LIPA: variants seen among roughly 807,000 people sequenced by gnomAD.
The protein encoded by LIPA is lipase A, lysosomal acid type, also known as lysosomal acid lipase/cholesteryl ester hydrolase.
A neutral mutation model predicts 40.6 loss-of-function variants in LIPA; 26 were observed. The ratio of observed to expected loss-of-function variants is 0.64; its 90% confidence interval spans 0.47 to 0.89. The LOEUF (loss-of-function observed/expected upper bound fraction) is 0.89, where lower values mean the gene tolerates loss of function less well. LIPA is among the 40% of genes least tolerant of loss of function. LIPA has a pLI of 0.00. For synonymous variants in LIPA, 188 were observed against 168.4 expected (o/e 1.12, Z -0.90); for missense variants, 455 against 479.6 (o/e 0.95, Z 0.48).
rs956447208 is a variant in LIPA, at chr10:89,241,948, T to G, written c.229+3728A>C. The stretch of plus-strand genomic sequence containing the variant: ...CATGACCCTCTGCCCTGAGACAAAT[T>G]CATTTCCCTATTTGAACCTGGCTGT... On this transcript the variant is annotated intron_variant, in intron 3 of 9. Transcript: ENST00000336233. Among the ~76,000 whole-genome samples the G allele has an allele frequency of 5.8e-4, 88 of 152,130 alleles. 1 individual carries two copies. The highest frequency in any genetic ancestry group is 2.1e-3 in the African/African-American group (87 of 41,418).
At chr10:89,280,674 C>T (rs145298231) in intron 1 of LIPA, among the ~76,000 whole-genome samples, 422 of 152,278 alleles carry the variant, frequency 2.8e-3, no homozygotes, top group Non-Finnish European at 4.9e-3. Flanking sequence ...ATTTATGTGT[C>T]GGTTGGAAGT....
chr10:89,398,409 G>C (rs1310112540), intron 2 of LIPA, among the ~76,000 whole-genome samples: 1 of 152,158 alleles, frequency 6.6e-6, no homozygotes, highest in Non-Finnish European at 1.5e-5. Flanking sequence ...CTGAATAAAA[G>C]TAAGCAGCTC....
At chr10:89,234,823 G>A (rs777237662) in intron 3 of LIPA, among the ~76,000 whole-genome samples, 19 of 152,352 alleles carry the variant, frequency 1.2e-4, no homozygotes, top group South Asian at 4.1e-4. Context: ...GATAGCTAGC[G>A]CCGATTGCAC....
At chr10:89,393,077 T>C in intron 2 of LIPA, 1 of 1,190,856 alleles carries the variant, frequency 8.4e-7, no homozygotes, top group Non-Finnish European at 1.1e-6. Context: ...AATGGACAGC[T>C]TGTCTGAGTA....
chr10:89,314,969 C>G (rs1843534476), intron 1 of LIPA, among the ~76,000 whole-genome samples: 1 of 152,216 alleles, frequency 6.6e-6, no homozygotes, highest in Admixed American at 6.5e-5. Flanking sequence ...CTCTAAAAAT[C>G]AGCTCCCTCA....
chr10:89,410,240 G>A (rs952145964), intron 2 of LIPA, among the ~76,000 whole-genome samples: 5 of 152,216 alleles, frequency 3.3e-5, no homozygotes, highest in Admixed American at 3.3e-4. Context: ...TGGCATACTA[G>A]GTGCCAAAGG....
upstream of LIPA, among the ~76,000 whole-genome samples, chr10:89,255,599 T>C (rs1158496327): frequency 6.6e-6 from 1 of 152,052 alleles, no homozygotes; most frequent in African/African-American, 2.4e-5. Context: ...TGGAGAAAAA[T>C]AGGCAGCTCT....
intron 1 of LIPA, among the ~76,000 whole-genome samples, chr10:89,334,513 T>TTTTTTTA (rs1843702573): frequency 1.4e-5 from 1 of 72,468 alleles, no homozygotes; most frequent in Non-Finnish European, 2.4e-5. Flanking sequence ...TTTTTTTTTT[T>TTTTTTTA]GAGACGGAGT....
intron 1 of LIPA, among the ~76,000 whole-genome samples, chr10:89,250,103 C>CT (rs1564767193): frequency 3.2e-5 from 3 of 94,062 alleles, no homozygotes; most frequent in Non-Finnish European, 6.1e-5. Flanking sequence ...CTTTTCTTTT[C>CT]TTTCTTTTTT....
chr10:89,327,220 G>C (rs992487742), intron 1 of LIPA, among the ~76,000 whole-genome samples: 1 of 152,190 alleles, frequency 6.6e-6, no homozygotes, highest in African/African-American at 2.4e-5. Flanking sequence ...AGGCTTCAGA[G>C]AGAATAGGTT....
chr10:89,382,998 A>C (rs1410116701), intron 2 of LIPA, among the ~76,000 whole-genome samples: 1 of 152,244 alleles, frequency 6.6e-6, no homozygotes, highest in East Asian at 1.9e-4. Context: ...GTCAGGAGGA[A>C]GCAGAAAGAA....
At chr10:89,403,807 T>C (rs1844483784) in intron 2 of LIPA, 1 of 686,974 alleles carries the variant, frequency 1.5e-6, no homozygotes. Context: ...AACATTATAA[T>C]TCACTGTAAT....
intron 1 of LIPA, among the ~76,000 whole-genome samples, chr10:89,267,637 A>G (rs1843244446): frequency 6.8e-6 from 1 of 147,878 alleles, no homozygotes; most frequent in South Asian, 2.2e-4. Flanking sequence ...CTAGATGACG[A>G]GTTAGTGGGT....
chr10:89,241,671 G>A (rs1435526719), intron 3 of LIPA, among the ~76,000 whole-genome samples: 1 of 152,108 alleles, frequency 6.6e-6, no homozygotes, highest in Admixed American at 6.5e-5. Flanking sequence ...TCTTTGCTGA[G>A]GCCACAGTTG....
intron 2 of LIPA, among the ~76,000 whole-genome samples, chr10:89,376,343 A>G (rs1240124614): frequency 6.6e-6 from 1 of 152,146 alleles, no homozygotes; most frequent in African/African-American, 2.4e-5. Flanking sequence ...TCACATAGAG[A>G]GAGAGATTAT....
At chr10:89,248,043 T>C (rs1331934879) in intron 1 of LIPA, among the ~76,000 whole-genome samples, 2 of 151,922 alleles carry the variant, frequency 1.3e-5, no homozygotes, top group African/African-American at 4.8e-5. Flanking sequence ...AATTTTTGTA[T>C]TTTTGTAGCG....
chr10:89,378,087 C>G, intron 2 of LIPA: 1 of 1,609,432 alleles, frequency 6.2e-7, no homozygotes, highest in South Asian at 1.1e-5. Context: ...GAAGGAGCCT[C>G]CAAGCCTGAA....
At chr10:89,352,512 G>A (rs61853146) in intron 2 of LIPA, among the ~76,000 whole-genome samples, 270 of 152,198 alleles carry the variant, frequency 1.8e-3, no homozygotes, top group Non-Finnish European at 3.4e-3. Flanking sequence ...AACAATTTTT[G>A]TCTTAGTCTT....
intron 1 of LIPA, among the ~76,000 whole-genome samples, chr10:89,289,475 G>A (rs1457726066): frequency 1.3e-5 from 2 of 152,176 alleles, no homozygotes; most frequent in African/African-American, 4.8e-5. Context: ...TTCAAGTCAG[G>A]AAACTAAAAT....
Sources: allele counts gnomAD v4.1 joint callset (sites outside exome capture counted in the v4.1 genomes callset), GRCh38; gene constraint gnomAD v4.1.1; transcripts MANE v1.5; gene names NCBI Gene and HGNC (gene_info 2026-07-23, HGNC 2026-07-21).